Variants in AGO4 observed in about 807,000 individuals in gnomAD.
AGO4 encodes the protein argonaute RISC component 4.
In AGO4, 33 loss-of-function variants were observed where a neutral mutation model predicts 104.7. The observed-to-expected ratio is 0.32, with a 90% CI of 0.24 to 0.42. The LOEUF (loss-of-function observed/expected upper bound fraction) is 0.42, where lower values mean the gene tolerates loss of function less well. Ranked by LOEUF, AGO4 falls within the 10% of genes least tolerant of loss-of-function variation. The pLI, the probability that AGO4 is intolerant of heterozygous loss-of-function variation, is 1.00. For missense variants in AGO4, 711 were observed against 1,083.4 expected (o/e 0.66, Z 4.83); for synonymous variants, 331 against 364.7 (o/e 0.91, Z 1.05).
At chr1:35,830,768 G>A (rs541315908) in intron 7 of AGO4, among the ~76,000 whole-genome samples, 3 of 151,938 alleles carry the variant, frequency 2.0e-5, no homozygotes, top group African/African-American at 4.8e-5. Flanking sequence ...CTGAAGTCGG[G>A]AGTTCTAGAT....
chr1:35,845,763 G>T (rs1175393357), intron 15 of AGO4, among the ~76,000 whole-genome samples: 3 of 152,174 alleles, frequency 2.0e-5, no homozygotes, highest in Admixed American at 1.3e-4. Flanking sequence ...CACTGCATCA[G>T]TCAAGATAGG....
rs952770194 is a variant in AGO4 at position 35,855,444 on chromosome 1, T to A, written c.*1839T>A. ...TTGTAAATACATTGAAGTTTACATT[T>A]CCATGTGCTGTTGATCAACGGCGCC... On this transcript the variant is annotated 3_prime_UTR_variant, in exon 18 of 18. Coordinates refer to ENST00000373210, the MANE Select transcript of AGO4 (RefSeq NM_017629.4). 6.6e-6 allele frequency: 1 copy of A among 152,614 alleles called. No homozygotes were observed. Among genetic ancestry groups the A allele is most frequent in the African/African-American group, 2.4e-5 (1 of 41,450 alleles). 9.5% of individuals were successfully genotyped at this position (152,614 alleles called of 1,614,324 possible).
intron 2 of AGO4, among the ~76,000 whole-genome samples, chr1:35,821,308 G>A (rs1413308012): frequency 6.6e-6 from 1 of 152,192 alleles, no homozygotes; most frequent in Non-Finnish European, 1.5e-5. Flanking sequence ...TCAGTCACAT[G>A]ATTTGGTTTG....
intron 7 of AGO4, among the ~76,000 whole-genome samples, chr1:35,829,033 A>C (rs899537773): frequency 8.2e-5 from 12 of 146,730 alleles, no homozygotes; most frequent in South Asian, 2.2e-4. Flanking sequence ...CCCCCCCCCC[A>C]CACACACACC....
intron 1 of AGO4, among the ~76,000 whole-genome samples, chr1:35,811,976 AG>A: frequency 6.6e-6 from 1 of 152,308 alleles, no homozygotes; most frequent in Non-Finnish European, 1.5e-5. Flanking sequence ...TTTATAAATG[AG>A]GAAACCGAGA....
chr1:35,822,172 G>A (rs1246589595), intron 2 of AGO4, among the ~76,000 whole-genome samples: 4 of 148,660 alleles, frequency 2.7e-5, no homozygotes, highest in African/African-American at 5.0e-5. Context: ...GAGCCACCAC[G>A]CCCAGCCAGG....
rs35387062 is a variant in AGO4, at chr1:35,820,618, A to C, written c.186-2244A>C. ...GTGATCTGCCTGCCTCTGCCCCTCA[A>C]AGTGCTGGGATTATAAGCATGAGCC... On this transcript the variant is annotated intron_variant, in intron 2 of 17. Coordinates refer to ENST00000373210, the MANE Select transcript of AGO4 (RefSeq NM_017629.4). 2.1e-3 allele frequency among the ~76,000 whole-genome samples: 321 copies of C among 152,146 alleles called. 2 individuals are homozygous for C. The highest frequency in any genetic ancestry group is 0.017 in the Middle Eastern group (5 of 294).
intron 7 of AGO4, among the ~76,000 whole-genome samples, chr1:35,829,854 A>T (rs990122118): frequency 2.7e-5 from 4 of 149,958 alleles, no homozygotes; most frequent in African/African-American, 9.8e-5. Flanking sequence ...AAAAAAAAAA[A>T]AAAAAAAAAA....
In AGO4 at chr1:35,841,374, C is replaced by T. The variant is rs747824373; in HGVS notation, c.1934C>T (p.Thr645Ile). 9.3e-6 allele frequency: 15 copies of T among 1,614,104 alleles called. No individual in the cohort carries two copies. Among genetic ancestry groups the T allele is most frequent in the Non-Finnish European group, 1.3e-5 (15 of 1,180,048 alleles). Reference protein sequence around the residue: ...LYSQEVIQDLTNMVRELLIQF... With the variant: ...LYSQEVIQDLINMVRELLIQF... ...AGTCAAGAGGTCATCCAGGACCTGA[C>T]TAACATGGTTCGAGAGCTGCTGATT... Residue 645 changes from threonine (T) to isoleucine (I), a missense_variant, in exon 14 of 18, where the codon ACT (threonine) becomes ATT (isoleucine). Transcript: ENST00000373210. This position sits in a 1 kb window ranked among gnomAD's most constrained non-coding sequence, Gnocchi z 4.7.
intron 2 of AGO4, among the ~76,000 whole-genome samples, chr1:35,820,400 C>T (rs539236311): frequency 6.6e-6 from 1 of 151,914 alleles, no homozygotes; most frequent in Non-Finnish European, 1.5e-5. Context: ...CTCTGTCACC[C>T]AGGTTGGAGT....
intron 11 of AGO4, among the ~76,000 whole-genome samples, 192 bp from the exon 12 acceptor site, chr1:35,833,798 G>A (rs1384747343): frequency 1.3e-5 from 2 of 152,152 alleles, no homozygotes; most frequent in African/African-American, 4.8e-5. Flanking sequence ...TTAACTGCAA[G>A]TTAAATTGCA....
In AGO4 at chr1:35,843,296, C is replaced by G. The variant is rs550513187; in HGVS notation, c.2175+1546C>G. 2.2e-4 allele frequency among the ~76,000 whole-genome samples: 33 copies of G among 152,226 alleles called. 2 individuals are homozygous for G. Among genetic ancestry groups the G allele is most frequent in the African/African-American group, 7.7e-4 (32 of 41,552 alleles). On this transcript the variant is annotated intron_variant, in intron 15 of 17. Transcript: ENST00000373210. ...AGCCAATCCAGTCTTGAACTCCTGA[C>G]CTCAGGTGATCCACCTGCTTCGGCC...
At chr1:35,815,581 G>A (rs1643665183) in intron 1 of AGO4, among the ~76,000 whole-genome samples, 1 of 152,190 alleles carries the variant, frequency 6.6e-6, no homozygotes, top group Admixed American at 6.6e-5. Flanking sequence ...GAAATTTTAA[G>A]AGGGGAGAGA....
intron 1 of AGO4, among the ~76,000 whole-genome samples, chr1:35,810,916 G>A (rs954895228): frequency 6.6e-6 from 1 of 152,072 alleles, no homozygotes; most frequent in African/African-American, 2.4e-5. Flanking sequence ...CGGATCATTT[G>A]CGGCCAGGAG....
Position 35,816,863 on chromosome 1 carries a change from T to C in AGO4, c.20-19T>C. ...AAGAAAAAAAAAATAGCACAGCAAA[T>C]GTCTTTCAATCTCTTTAGGACCTCC... On this transcript the variant is annotated intron_variant, in intron 1 of 17. Coordinates refer to ENST00000373210, the MANE Select transcript of AGO4 (RefSeq NM_017629.4). 6.6e-7 allele frequency: 1 copy of C among 1,510,166 alleles called. No homozygotes were observed. The highest frequency in any genetic ancestry group is 1.3e-5 in the South Asian group (1 of 75,484). 93.5% of individuals were successfully genotyped at this position (1,510,166 alleles called of 1,614,324 possible).
intron 1 of AGO4, 66 bp from the exon 2 acceptor site, chr1:35,816,816 A>AT: frequency 1.0e-4 from 120 of 1,177,332 alleles, no homozygotes; most frequent in Non-Finnish European, 1.3e-4. Context: ...AAAAAAAAAA[A>AT]AAAAAGAAAG....
chr1:35,808,565 G>T lies in AGO4; in HGVS notation c.19+130G>T. On this transcript the variant is annotated intron_variant, in intron 1 of 17. Coordinates refer to ENST00000373210, the MANE Select transcript of AGO4 (RefSeq NM_017629.4). This position sits in a 1 kb window ranked among gnomAD's most constrained non-coding sequence, Gnocchi z 5.2. ...CCTCGGGGAAGGGGACCCGAGCCCC[G>T]CAGCACGAAGCGGAGGGAGCTGACC... The T allele has an allele frequency of 3.6e-6, 3 of 842,000 alleles. No individual in the cohort carries two copies. Among genetic ancestry groups the T allele is most frequent in the Non-Finnish European group, 4.5e-6 (3 of 673,406 alleles). 52.2% of individuals were successfully genotyped at this position (842,000 alleles called of 1,614,324 possible).
chr1:35,829,265 G>C (rs866500254), intron 7 of AGO4, among the ~76,000 whole-genome samples: 1 of 148,746 alleles, frequency 6.7e-6, no homozygotes, highest in South Asian at 2.1e-4. Context: ...TGGTAAATTG[G>C]TATTTCATGT....
intron 13 of AGO4, among the ~76,000 whole-genome samples, chr1:35,837,743 A>T (rs1175905096): frequency 1.3e-5 from 2 of 151,552 alleles, no homozygotes; most frequent in African/African-American, 4.9e-5. Flanking sequence ...TTGGGTTGTG[A>T]GTCTTTTTCA....
Sources: allele counts gnomAD v4.1 joint callset (sites outside exome capture counted in the v4.1 genomes callset), GRCh38; gene constraint gnomAD v4.1.1; non-coding constraint Gnocchi (gnomAD v3.1); transcripts MANE v1.5; gene names NCBI Gene and HGNC (gene_info 2026-07-23, HGNC 2026-07-21).